The following DUOX2 variants were observed in gnomAD, a reference collection of about 807,000 sequenced individuals.
DUOX2 encodes NADH/NADPH thyroid oxidase p138-tox.
Under a neutral mutation model 183.3 loss-of-function variants are expected in DUOX2, and 185 were observed. That is an observed-to-expected ratio of 1.01 (90% CI 0.90 to 1.14). The LOEUF is 1.14. Ranked by LOEUF, DUOX2 falls within the 50% of genes most tolerant of loss-of-function variation. The probability of loss-of-function intolerance (pLI) is 0.00; values close to 1 mark genes in which losing one functional copy is unlikely to be tolerated. For synonymous variants in DUOX2, 788 were observed against 812.4 expected (o/e 0.97, Z 0.51); for missense variants, 1,999 against 2,022.9 (o/e 0.99, Z 0.23).
chr15:45,094,723 C>T (rs764419796), intron 32 of DUOX2, 32 bp from the exon 33 acceptor site: 9 of 1,612,670 alleles, frequency 5.6e-6, no homozygotes, highest in African/African-American at 4.0e-5. Context: ...AGACCAAAGA[C>T]AGTCAGGGCC....
rs148813922 is a variant in DUOX2, at chr15:45,099,901, G to C, written c.3185-9C>G. 6.2e-7 allele frequency: 1 copy of C among 1,613,848 alleles called. No homozygotes were observed. The highest frequency in any genetic ancestry group is 8.5e-7 in the Non-Finnish European group (1 of 1,179,720). ...CGAGGCAAAGCCATAGTCTGGGGCCGGAGTGAGGTTACATCAGCTTGGCAC... is the reference window on the plus strand; with the variant it reads ...CGAGGCAAAGCCATAGTCTGGGGCCCGAGTGAGGTTACATCAGCTTGGCAC... On this transcript the variant is annotated splice_polypyrimidine_tract_variant and intron_variant, in intron 24 of 33. Coordinates refer to ENST00000389039, the MANE Select transcript of DUOX2 (RefSeq NM_001363711.2).
intron 33 of DUOX2, 65 bp downstream of exon 33, chr15:45,094,497 CT>C: frequency 6.4e-7 from 1 of 1,565,476 alleles, no homozygotes; most frequent in Non-Finnish European, 8.7e-7. Flanking sequence ...TGGCAGGGTG[CT>C]TCAGGGCCAG....
intron 26 of DUOX2, chr15:45,099,016 T>TC: frequency 4.3e-6 from 1 of 233,212 alleles, no homozygotes. Flanking sequence ...TTTCTTTCTT[T>TC]TTTTTTTTTT....
Position 45,113,011 on chromosome 15 carries a change from T to G in DUOX2, c.136A>C (p.Arg46=). Residue 46 remains arginine (R), a synonymous_variant, in exon 3 of 34, where the codon AGG becomes CGG. Transcript: ENST00000389039. ...CCAACAGCACCACGCTCGTGGTGCC[T>G]CAGGTTGTTAAACCAGCCGTCATAG... ...QRYDGWFNNL[R]HHERGAVGCR... is the part of the protein sequence containing the mutation. The G allele has an allele frequency of 6.2e-7, 1 of 1,613,656 alleles. No homozygotes were observed. Among genetic ancestry groups the G allele is most frequent in the South Asian group, 1.1e-5 (1 of 91,062 alleles).
chr15:45,101,153 C>T, intron 22 of DUOX2, 52 bp downstream of exon 22: 4 of 1,536,412 alleles, frequency 2.6e-6, no homozygotes, highest in Non-Finnish European at 3.6e-6. Flanking sequence ...CCCTTCATTT[C>T]TCTGCAGGGG....
At position 45,108,149 on chromosome 15, in the gene DUOX2, T is replaced by C. The variant is rs947474351; in HGVS notation, c.1472A>G (p.Glu491Gly). Reference protein sequence around the residue: ...QLELLLGGLLESHGDPGPLFS... With the variant: ...QLELLLGGLLGSHGDPGPLFS... Reference sequence around the variant, plus strand: ...CAGGGGTCCAGGGTCCCCATGGCTCTCCAGGAGCCCCCCAAGGAGCAGCTC... The same window carrying C: ...CAGGGGTCCAGGGTCCCCATGGCTCCCCAGGAGCCCCCCAAGGAGCAGCTC... The change falls in exon 13 of 34, where the codon GAG becomes GGG. Residue 491 changes from glutamate (E) to glycine (G), a missense_variant. Physicochemically the swap from Glu to Gly is moderately conservative, Grantham distance 98. Transcript: ENST00000389039. 6.2e-7 allele frequency: 1 copy of C among 1,614,128 alleles called. No individual in the cohort carries two copies. The highest frequency in any genetic ancestry group is 1.3e-5 in the African/African-American group (1 of 75,032).
intron 7 of DUOX2, among the ~76,000 whole-genome samples, 190 bp from the exon 8 acceptor site, chr15:45,110,900 G>A (rs1041545686): frequency 4.0e-5 from 6 of 150,580 alleles, no homozygotes; most frequent in Admixed American, 3.3e-4. Flanking sequence ...AGTGGGGGTT[G>A]GGGAGGTGAT....
rs539729191 is a variant in DUOX2 at position 45,111,936 on chromosome 15, G to C, written c.345C>G (p.Asp115Glu). Residue 115 changes from aspartate (D) to glutamate (E), a missense_variant, in exon 5 of 34, where the codon GAC becomes GAG. Around this residue, in one of 3 missense-constraint regions of DUOX2, gnomAD observed 356 missense variants for 356.4 expected, o/e 1.00. Coordinates refer to ENST00000389039, the MANE Select transcript of DUOX2 (RefSeq NM_001363711.2). ...GVFFGYHVLS[D>E]VVSVETPGCP... is the part of the protein sequence containing the mutation. ...AACCGGGCGTTTCCACGCTCACCAC[G>C]TCGGAAAGAACATGGTAGCCTGCGG... 7 of 1,613,558 alleles carry C rather than the reference G, an allele frequency of 4.3e-6. No homozygotes were observed. Among genetic ancestry groups the C allele is most frequent in the Non-Finnish European group, 5.1e-6 (6 of 1,180,016 alleles).
rs1227158248 is a variant in DUOX2 at position 45,108,169 on chromosome 15, C to T, written c.1452G>A (p.Leu484=). 1 of 1,614,194 alleles carries T rather than the reference C, an allele frequency of 6.2e-7. No homozygotes were observed. Among genetic ancestry groups the T allele is most frequent in the Admixed American group, 1.7e-5 (1 of 60,026 alleles). The part of the protein sequence containing the change: ...LYNQDLSQLE[L]LLGGLLESHG... ...GGCTCTCCAGGAGCCCCCCAAGGAG[C>T]AGCTCTAGCTGGGATAGGTCCTGGT... The change falls in exon 13 of 34, where the codon CTG becomes CTA. Residue 484 remains leucine (L), a synonymous_variant. Coordinates refer to ENST00000389039, the MANE Select transcript of DUOX2 (RefSeq NM_001363711.2).
At chr15:45,095,760 G>T in intron 30 of DUOX2, 68 bp downstream of exon 30, 1 of 1,557,536 alleles carries the variant, frequency 6.4e-7, no homozygotes. Flanking sequence ...CTAGTCTCAG[G>T]ATAGGGAAGG....
Position 45,094,960 on chromosome 15 carries a change from C to T in DUOX2, c.4371G>A (p.Lys1457=). Residue 1457 remains lysine, a synonymous_variant, in exon 32 of 34, where the codon AAG becomes AAA. Transcript: ENST00000389039. ...CTAGCATGGTGGTCCTGAGGTCGAA[C>T]TTCTCAGCCAGCTGGGTGACATAAA... ...VHIYVTQLAE[K]FDLRTTMLYI... is the part of the protein sequence containing the mutation. 1 of 1,614,156 alleles carries T rather than the reference C, an allele frequency of 6.2e-7. No homozygotes were observed. Among genetic ancestry groups the T allele is most frequent in the Non-Finnish European group, 8.5e-7 (1 of 1,180,002 alleles).
intron 2 of DUOX2, 80 bp downstream of exon 2, chr15:45,113,262 G>A (rs1262438641): frequency 1.3e-6 from 2 of 1,500,894 alleles, no homozygotes; most frequent in Non-Finnish European, 9.1e-7. Flanking sequence ...GTCTCAGGGA[G>A]CCGCTTGCCG....
Position 45,097,477 on chromosome 15 carries a change from G to T in DUOX2, c.3694-86C>A, listed in dbSNP as rs535018423. ...CTTGCCCAGGCACTAGGCCTGTGCCGGGGAGATAGGGCTGAGGTCTGGGGT... is the reference window on the plus strand; with the variant it reads ...CTTGCCCAGGCACTAGGCCTGTGCCTGGGAGATAGGGCTGAGGTCTGGGGT... On this transcript the variant is annotated intron_variant, in intron 28 of 33. Coordinates refer to ENST00000389039, the MANE Select transcript of DUOX2 (RefSeq NM_001363711.2). 1.4e-5 allele frequency: 23 copies of T among 1,611,778 alleles called. No individual in the cohort carries two copies. The African/African-American group carries it at 2.9e-4, about 21-fold the overall frequency.
In DUOX2 at chr15:45,094,197, T is replaced by G. The variant is rs781359080; in HGVS notation, c.4600A>C (p.Asn1534His). 1.9e-6 allele frequency: 3 copies of G among 1,613,974 alleles called. No individual in the cohort carries two copies. In the African/African-American group the frequency reaches 4.0e-5, roughly 22 times the overall value. ...ATGAAGTGGGCTCGGTCCTGCCTGT[T>G]GACGAGCTGACAGGCCTTCTCTACA... ...KNVEKACQLV[N>H]RQDRAHFMHH... Residue 1534 changes from asparagine to histidine, a missense_variant, in exon 34 of 34, where the codon AAC becomes CAC. Physicochemically the swap from Asn to His is moderately conservative, Grantham distance 68. Coordinates refer to ENST00000389039, the MANE Select transcript of DUOX2 (RefSeq NM_001363711.2).
intron 4 of DUOX2, 33 bp from the exon 5 acceptor site, chr15:45,111,988 C>T (rs753219974): frequency 3.7e-6 from 6 of 1,609,558 alleles, no homozygotes; most frequent in South Asian, 2.2e-5. Context: ...CGTGACAAAC[C>T]GTCCGTATTG....
Position 45,108,208 on chromosome 15 carries a change from T to C in DUOX2, c.1413A>G (p.Thr471=). ...PNVDPQVLEA[T]AALYNQDLSQ... The stretch of plus-strand genomic sequence containing the variant: ...ATAGGTCCTGGTTGTACAGGGCAGC[T>C]GTGGCCTCCAGCACCTGGGGCACCA... Residue 471 remains threonine (T), a synonymous_variant, in exon 13 of 34, where the codon ACA becomes ACG. Coordinates refer to ENST00000389039, the MANE Select transcript of DUOX2 (RefSeq NM_001363711.2). 1 of 1,614,156 alleles carries C rather than the reference T, an allele frequency of 6.2e-7. No homozygotes were observed. The highest frequency in any genetic ancestry group is 8.5e-7 in the Non-Finnish European group (1 of 1,180,020).
intron 23 of DUOX2, 30 bp downstream of exon 23, chr15:45,100,725 T>A: frequency 6.2e-7 from 1 of 1,601,166 alleles, no homozygotes; most frequent in Non-Finnish European, 8.6e-7. Flanking sequence ...TCCATGTCTC[T>A]TTGGGCCCAG....
chr15:45,102,808 C>A (rs1024602154), intron 20 of DUOX2, among the ~76,000 whole-genome samples: 2 of 152,124 alleles, frequency 1.3e-5, no homozygotes, highest in Non-Finnish European at 2.9e-5. Context: ...ATGGTGAAAC[C>A]CCATCTCTAC....
In DUOX2 at chr15:45,113,083, G is replaced by A. The variant is rs752511554; in HGVS notation, c.71-7C>T. The A allele has an allele frequency of 9.9e-6, 16 of 1,613,034 alleles. No individual in the cohort carries two copies. The highest frequency in any genetic ancestry group is 1.4e-5 in the Non-Finnish European group (16 of 1,179,588). Reference sequence around the variant, plus strand: ...GAGAGTGCGTCCTGACTGCCTGTGGGCACAGAGAAGGGCCTCCTCAGCACT... The same window carrying A: ...GAGAGTGCGTCCTGACTGCCTGTGGACACAGAGAAGGGCCTCCTCAGCACT... On this transcript the variant is annotated splice_polypyrimidine_tract_variant and splice_region_variant and intron_variant, in intron 2 of 33. Coordinates refer to ENST00000389039, the MANE Select transcript of DUOX2 (RefSeq NM_001363711.2).
Sources: allele counts gnomAD v4.1 joint callset (sites outside exome capture counted in the v4.1 genomes callset), GRCh38; gene constraint gnomAD v4.1.1; regional missense constraint gnomAD v4.1.1; transcripts MANE v1.5; gene names NCBI Gene and HGNC (gene_info 2026-07-23, HGNC 2026-07-21).